Variants in CEP164 observed in about 807,000 individuals in gnomAD.
The protein encoded by CEP164 is centrosomal protein 164.
A neutral mutation model predicts 182.7 loss-of-function variants in CEP164; 162 were observed. That is an observed-to-expected ratio of 0.89 (90% CI 0.78 to 1.01). CEP164 has a LOEUF of 1.01. CEP164 is among the 50% of genes least tolerant of loss of function. CEP164 has a pLI of 0.00. For synonymous variants in CEP164, 661 were observed against 690.0 expected (o/e 0.96, Z 0.66); for missense variants, 1,735 against 1,790.4 (o/e 0.97, Z 0.56).
intron 8 of CEP164, among the ~76,000 whole-genome samples, chr11:117,365,198 C>T (rs925049923): frequency 4.6e-5 from 7 of 152,202 alleles, no homozygotes; most frequent in Non-Finnish European, 8.8e-5. Context: ...TGAGAATGAG[C>T]AAGTTGAGGC....
chr11:117,398,414 G>C (rs952643695), intron 27 of CEP164, among the ~76,000 whole-genome samples: 3 of 152,192 alleles, frequency 2.0e-5, no homozygotes, highest in African/African-American at 7.2e-5. Flanking sequence ...CTGGGGGTCT[G>C]GAGGACGGTG....
chr11:117,405,722 T>A (rs911302848), intron 27 of CEP164, among the ~76,000 whole-genome samples: 1 of 152,208 alleles, frequency 6.6e-6, no homozygotes, highest in African/African-American at 2.4e-5. Flanking sequence ...CAAGTCACCT[T>A]TTGAATGCTT....
intron 14 of CEP164, chr11:117,384,971 G>C (rs565651773): frequency 2.0e-5 from 3 of 152,306 alleles, no homozygotes; most frequent in Admixed American, 6.5e-5. Flanking sequence ...GGTCCTCCCC[G>C]TGTCATGCCA....
In CEP164 at chr11:117,387,284, A is replaced by G; in HGVS notation, c.1806A>G (p.Val602=). The G allele has an allele frequency of 6.2e-7, 1 of 1,614,210 alleles. No individual in the cohort carries two copies. Among genetic ancestry groups the G allele is most frequent in the Non-Finnish European group, 8.5e-7 (1 of 1,180,026 alleles). The change falls in exon 15 of 33, where the codon GTA becomes GTG. Residue 602 remains valine (V), a synonymous_variant. Coordinates refer to ENST00000278935, the MANE Select transcript of CEP164 (RefSeq NM_014956.5). ...LKAMEEAVAQ[V]LEQDQRHLLE... ...CCATGGAAGAGGCAGTGGCCCAAGT[A>G]CTCGAGCAAGACCAGAGGCACCTGC...
chr11:117,359,413 C>T, intron 5 of CEP164: 3 of 985,456 alleles, frequency 3.0e-6, no homozygotes, highest in African/African-American at 3.5e-5. Flanking sequence ...TTCTCCTTCA[C>T]AAACATGTTC....
At chr11:117,399,160 T>G (rs1251762555) in intron 27 of CEP164, among the ~76,000 whole-genome samples, 1 of 152,016 alleles carries the variant, frequency 6.6e-6, no homozygotes, top group Admixed American at 6.6e-5. Context: ...CAGGCCCCGG[T>G]GTGTGATGTT....
chr11:117,398,558 T>A (rs1323250037), intron 27 of CEP164, among the ~76,000 whole-genome samples: 1 of 152,188 alleles, frequency 6.6e-6, no homozygotes, highest in Non-Finnish European at 1.5e-5. Context: ...CAGACTTTTT[T>A]CTGGGCATCT....
At chr11:117,361,425 A>T (rs1262398935) in intron 5 of CEP164, among the ~76,000 whole-genome samples, 1 of 151,234 alleles carries the variant, frequency 6.6e-6, no homozygotes, top group Non-Finnish European at 1.5e-5. Context: ...ATTTTTTAGT[A>T]GAGACAGGGT....
At chr11:117,351,095 C>G (rs1010332079) in intron 4 of CEP164, among the ~76,000 whole-genome samples, 6 of 152,146 alleles carry the variant, frequency 3.9e-5, no homozygotes, top group Non-Finnish European at 7.3e-5. Flanking sequence ...TGCAATGGCA[C>G]AATCTTGGCT....
At chr11:117,385,194 C>G (rs146229120) in intron 14 of CEP164, 1 of 152,352 alleles carries the variant, frequency 6.6e-6, no homozygotes, top group East Asian at 1.9e-4. Context: ...TACTTGGTGG[C>G]CAGCCTGAAA....
rs544488844 is a variant in CEP164 at position 117,338,782 on chromosome 11, T to C, written c.82+114T>C. On this transcript the variant is annotated intron_variant, in intron 3 of 32. Transcript: ENST00000278935. ...AAGTATGGTACATGTACAGAGTTGCTTAGTATATTCGGGTTAGATCAAATG... is the reference window on the plus strand; with the variant it reads ...AAGTATGGTACATGTACAGAGTTGCCTAGTATATTCGGGTTAGATCAAATG... 102 of 848,398 alleles carry C rather than the reference T, an allele frequency of 1.2e-4. No homozygotes were observed. In the African/African-American group the frequency reaches 1.7e-3, roughly 14 times the overall value. The allele number at this position is 848,398 out of a possible 1,614,324, so 52.6% of individuals were successfully genotyped here.
At chr11:117,393,798 G>A (rs1265179029) in intron 20 of CEP164, among the ~76,000 whole-genome samples, 1 of 152,198 alleles carries the variant, frequency 6.6e-6, no homozygotes, top group Non-Finnish European at 1.5e-5. Flanking sequence ...AAAGTTCAGC[G>A]ACTTGAGTTT....
chr11:117,363,433 T>A lies in CEP164; in HGVS notation c.692T>A (p.Val231Asp), dbSNP rs1300165297. 4 of 1,613,110 alleles carry A rather than the reference T, an allele frequency of 2.5e-6. No individual in the cohort carries two copies. Among genetic ancestry groups the A allele is most frequent in the South Asian group, 1.1e-5 (1 of 91,058 alleles). ...EDEEESDNQS[V>D]HSSSEPLRNL... Reference sequence around the variant, plus strand: ...TGTCATCATTTTTGTTTCTAGAGTGTCCACAGCTCAAGTGAGCCTCTTAGG... The same window carrying A: ...TGTCATCATTTTTGTTTCTAGAGTGACCACAGCTCAAGTGAGCCTCTTAGG... Residue 231 changes from valine (V) to aspartate (D), a missense_variant, in exon 8 of 33, where the codon GTC becomes GAC. Physicochemically the swap from Val to Asp is radical, Grantham distance 152. Transcript: ENST00000278935.
intron 10 of CEP164, among the ~76,000 whole-genome samples, chr11:117,375,168 C>T (rs1232224300): frequency 1.3e-5 from 2 of 152,236 alleles, no homozygotes; most frequent in African/African-American, 4.8e-5. Context: ...ATGTTGGCAT[C>T]TCTTCTCATG....
At chr11:117,398,069 A>G (rs2045704854) in intron 27 of CEP164, among the ~76,000 whole-genome samples, 1 of 152,240 alleles carries the variant, frequency 6.6e-6, no homozygotes. Flanking sequence ...TTCTAGATAC[A>G]GTGGGGATAC....
chr11:117,336,998 A>G (rs75574089), intron 2 of CEP164, among the ~76,000 whole-genome samples: 1 of 151,954 alleles, frequency 6.6e-6, no homozygotes, highest in Non-Finnish European at 1.5e-5. Context: ...GAGAGGAGCA[A>G]TTCTAGAAGT....
chr11:117,375,051 T>G (rs1325150838), intron 10 of CEP164, among the ~76,000 whole-genome samples: 1 of 152,190 alleles, frequency 6.6e-6, no homozygotes, highest in Non-Finnish European at 1.5e-5. Context: ...GAATCATCAC[T>G]AATTAACTCT....
In CEP164 at chr11:117,387,107, GAT is replaced by G; in HGVS notation, c.1725-95_1725-94del. ...CTCCTGATTGTGGGCCCTCCATTAG[GAT>G]TCCATCTGTGATGTTCCGTATCCAT... On this transcript the variant is annotated intron_variant, in intron 14 of 32. Transcript: ENST00000278935. 3.6e-6 allele frequency: 4 copies of G among 1,102,906 alleles called. No homozygotes were observed. The South Asian group carries it at 5.6e-5, about 15-fold the overall frequency. 68.3% of individuals were successfully genotyped at this position (1,102,906 alleles called of 1,614,324 possible).
upstream of CEP164, chr11:117,324,003 T>A (rs759579727): frequency 1.7e-5 from 4 of 239,606 alleles, no homozygotes; most frequent in Non-Finnish European, 3.6e-5. Flanking sequence ...AATAGTGGTT[T>A]CTGACCTAGG....
Sources: gnomAD v4.1 joint callset for allele counts (sites outside exome capture counted in the v4.1 genomes callset) on GRCh38, gnomAD v4.1.1 for gene constraint, MANE v1.5 for transcripts, NCBI Gene and HGNC (gene_info 2026-07-23, HGNC 2026-07-21) for gene names.